The following MAPK8 variants were observed in gnomAD, a reference collection of about 807,000 sequenced individuals.
MAPK8 encodes the protein mitogen-activated protein kinase 8, also known as JUN N-terminal kinase.
A neutral mutation model predicts 52.9 loss-of-function variants in MAPK8; 13 were observed. The observed-to-expected ratio is 0.25, with a 90% CI of 0.16 to 0.39. The LOEUF is 0.39. Among genes scored for constraint, MAPK8 ranks in the 10% least tolerant of loss-of-function variants. MAPK8 has a pLI of 1.00. For missense variants in MAPK8, 300 were observed against 519.2 expected, an observed-to-expected ratio of 0.58 and a Z score of 4.10; for synonymous variants, 191 against 169.8, an observed-to-expected ratio of 1.12 and a Z score of -0.97.
intron 2 of MAPK8, among the ~76,000 whole-genome samples, chr10:48,404,221 ATCTTGGC>A (rs2042332785): frequency 6.7e-6 from 1 of 149,478 alleles, no homozygotes; most frequent in African/African-American, 2.5e-5. Flanking sequence ...CGGTGGTGCG[ATCTTGGC>A]TCACTGCAAC....
chr10:48,386,049 T>A (rs1177023732), intron 1 of MAPK8, among the ~76,000 whole-genome samples: 1 of 152,154 alleles, frequency 6.6e-6, no homozygotes, highest in Admixed American at 6.6e-5. Flanking sequence ...TGAAAAAAAT[T>A]ATCTGTAAAA....
intron 10 of MAPK8, among the ~76,000 whole-genome samples, chr10:48,427,849 A>C (rs1033657306): frequency 2.6e-5 from 4 of 152,188 alleles, no homozygotes; most frequent in African/African-American, 9.7e-5. Context: ...TCTTGCTTTA[A>C]TAACTGGTTA....
intron 11 of MAPK8, 70 bp downstream of exon 11, chr10:48,431,340 A>G: frequency 1.1e-6 from 1 of 938,986 alleles, no homozygotes; most frequent in Non-Finnish European, 1.7e-6. Context: ...GTGGCCTGAA[A>G]CCTGCAGTTC....
intron 1 of MAPK8, among the ~76,000 whole-genome samples, chr10:48,324,501 TAG>T (rs1491326788): frequency 5.9e-5 from 7 of 118,156 alleles, no homozygotes; most frequent in African/African-American, 2.4e-4. Flanking sequence ...TCCTGTTTTC[TAG>T]TTTTTTTTTT....
intron 1 of MAPK8, among the ~76,000 whole-genome samples, chr10:48,307,685 T>G (rs548043453): frequency 6.6e-6 from 1 of 152,364 alleles, no homozygotes; most frequent in South Asian, 2.1e-4. Flanking sequence ...CATTGTCCAG[T>G]GATTACTATT....
intron 1 of MAPK8, among the ~76,000 whole-genome samples, chr10:48,327,390 A>C (rs904557983): frequency 6.6e-6 from 1 of 152,214 alleles, no homozygotes; most frequent in African/African-American, 2.4e-5. Flanking sequence ...TTAGGGTTAC[A>C]TTAGTAGATT....
At chr10:48,324,503 GTTTTTTT>G (rs370766776) in intron 1 of MAPK8, among the ~76,000 whole-genome samples, 2 of 118,020 alleles carry the variant, frequency 1.7e-5, no homozygotes, top group African/African-American at 7.1e-5. Context: ...CTGTTTTCTA[GTTTTTTT>G]TTTTTTTTTT....
intron 1 of MAPK8, among the ~76,000 whole-genome samples, chr10:48,337,190 C>T (rs1196058487): frequency 6.6e-6 from 1 of 152,086 alleles, no homozygotes; most frequent in Non-Finnish European, 1.5e-5. Context: ...TTTGCATGCT[C>T]TAAAAATGAC....
intron 1 of MAPK8, among the ~76,000 whole-genome samples, chr10:48,308,984 G>A (rs1389264637): frequency 6.6e-6 from 1 of 152,200 alleles, no homozygotes; most frequent in African/African-American, 2.4e-5. Context: ...AAGTGGAAAT[G>A]AAGAAATAAG....
chr10:48,316,064 A>G (rs1263249336), intron 1 of MAPK8, among the ~76,000 whole-genome samples: 1 of 152,238 alleles, frequency 6.6e-6, no homozygotes, highest in Non-Finnish European at 1.5e-5. Context: ...TCAAAATGTT[A>G]AATGGACAAG....
intron 1 of MAPK8, among the ~76,000 whole-genome samples, chr10:48,361,785 T>G (rs1373407705): frequency 6.6e-6 from 1 of 152,190 alleles, no homozygotes; most frequent in African/African-American, 2.4e-5. Flanking sequence ...GTGCTGTCCT[T>G]AGTCTGCATC....
At chr10:48,382,605 A>G (rs1205449328) in intron 1 of MAPK8, among the ~76,000 whole-genome samples, 1 of 152,012 alleles carries the variant, frequency 6.6e-6, no homozygotes, top group Admixed American at 6.6e-5. Flanking sequence ...CAAGTTTTAA[A>G]TAACAAGTAG....
At chr10:48,343,873 C>T (rs1305408038) in intron 1 of MAPK8, among the ~76,000 whole-genome samples, 1 of 152,160 alleles carries the variant, frequency 6.6e-6, no homozygotes, top group Admixed American at 6.5e-5. Flanking sequence ...ATAGCTGAAT[C>T]GTCTGTCCTC....
chr10:48,426,540 C>A (rs779841445), intron 9 of MAPK8, 36 bp downstream of exon 9: 1 of 1,583,680 alleles, frequency 6.3e-7, no homozygotes, highest in Non-Finnish European at 8.6e-7. Flanking sequence ...GAACATATTG[C>A]ATTCTTAGAG....
At chr10:48,359,018 G>A (rs1453417247) in intron 1 of MAPK8, among the ~76,000 whole-genome samples, 1 of 152,092 alleles carries the variant, frequency 6.6e-6, no homozygotes, top group Non-Finnish European at 1.5e-5. Context: ...TGTGTAGTAC[G>A]TTTTGAAGTC....
intron 1 of MAPK8, among the ~76,000 whole-genome samples, chr10:48,347,935 A>G (rs768391337): frequency 1.2e-4 from 18 of 152,176 alleles, no homozygotes; most frequent in Non-Finnish European, 2.4e-4. Flanking sequence ...GCTGGGTCAA[A>G]TGGTGTTTCT....
chr10:48,416,961 G>T (rs929294208), intron 5 of MAPK8, among the ~76,000 whole-genome samples: 15 of 152,026 alleles, frequency 9.9e-5, no homozygotes, highest in Non-Finnish European at 1.8e-4. Context: ...GGGGCCCAAG[G>T]GTCATTTTAA....
chr10:48,368,280 G>A (rs2132601218), intron 1 of MAPK8, among the ~76,000 whole-genome samples: 1 of 152,258 alleles, frequency 6.6e-6, no homozygotes, highest in East Asian at 1.9e-4. Context: ...TTCAATTCAG[G>A]GTAATACATG....
At chr10:48,349,769 TCAGAG>T (rs898165224) in intron 1 of MAPK8, among the ~76,000 whole-genome samples, 1 of 151,734 alleles carries the variant, frequency 6.6e-6, no homozygotes, top group African/African-American at 2.4e-5. Context: ...ATAACTAAGA[TCAGAG>T]CAGAACTGAA....
Sources: allele counts gnomAD v4.1 joint callset (sites outside exome capture counted in the v4.1 genomes callset), GRCh38; gene constraint gnomAD v4.1.1; transcripts MANE v1.5; gene names NCBI Gene and HGNC (gene_info 2026-07-23, HGNC 2026-07-21).